Variants in EFCAB9 observed in about 807,000 individuals in gnomAD.
The protein encoded by EFCAB9 is EF-hand calcium binding domain 9, also known as EF-hand calcium-binding domain-containing protein 9.
In EFCAB9, 16 loss-of-function variants were observed where a neutral mutation model predicts 15.6. That is an observed-to-expected ratio of 1.03 (90% CI 0.69 to 1.56). EFCAB9 has a LOEUF of 1.56. Among genes scored for constraint, EFCAB9 ranks in the 40% most tolerant of loss-of-function variants. The pLI is 0.00. For missense variants in EFCAB9, 208 were observed against 235.4 expected (o/e 0.88, Z 0.76); for synonymous variants, 76 against 85.4 (o/e 0.89, Z 0.61).
chr5:172,202,214 G>A (rs1771265293), intron 3 of EFCAB9, among the ~76,000 whole-genome samples: 1 of 151,232 alleles, frequency 6.6e-6, no homozygotes, highest in South Asian at 2.1e-4. Context: ...GGTGGCAGGT[G>A]CCTGTGGTCC....
intron 1 of EFCAB9, among the ~76,000 whole-genome samples, chr5:172,198,682 T>A (rs1487028874): frequency 6.6e-6 from 1 of 152,162 alleles, no homozygotes; most frequent in African/African-American, 2.4e-5. Context: ...AGCAGCACGA[T>A]CTTGGCTCAC....
At chr5:172,198,441 T>C (rs577667622) in intron 1 of EFCAB9, among the ~76,000 whole-genome samples, 1 of 152,196 alleles carries the variant, frequency 6.6e-6, no homozygotes, top group South Asian at 2.1e-4. Flanking sequence ...CCTGGGAGGT[T>C]GAGTCTGCAG....
chr5:172,194,860 CCTCT>C (rs959053298), intron 1 of EFCAB9, among the ~76,000 whole-genome samples: 10 of 152,142 alleles, frequency 6.6e-5, no homozygotes, highest in Non-Finnish European at 1.2e-4. Flanking sequence ...ACGTCATCGC[CCTCT>C]CTAAGTCTCA....
chr5:172,196,989 A>G lies in EFCAB9; in HGVS notation c.137-2394A>G, dbSNP rs148885372. On this transcript the variant is annotated intron_variant, in intron 1 of 3. Coordinates refer to ENST00000398186, the MANE Select transcript of EFCAB9 (RefSeq NM_001171183.2). Reference sequence around the variant, plus strand: ...TCAGTATTTTTTCTTCTGAATGTGTATGATTAAATATGCATTAACTAATGC... The same window carrying G: ...TCAGTATTTTTTCTTCTGAATGTGTGTGATTAAATATGCATTAACTAATGC... Among the ~76,000 whole-genome samples, 363 of 152,346 alleles carry G rather than the reference A, an allele frequency of 2.4e-3. 1 individual carries two copies. Among genetic ancestry groups the G allele is most frequent in the East Asian group, 7.9e-3 (41 of 5,184 alleles).
chr5:172,202,332 CAAAA>C (rs10690291), intron 3 of EFCAB9, among the ~76,000 whole-genome samples: 8 of 73,356 alleles, frequency 1.1e-4, no homozygotes, highest in African/African-American at 2.8e-4. Context: ...GACTTCATCT[CAAAA>C]AAAAAAAAAA....
rs10690291 is a variant in EFCAB9 at position 172,202,332 on chromosome 5, C to CAAAAAAA, written c.463-864_463-858dup. 1.9e-3 allele frequency among the ~76,000 whole-genome samples: 138 copies of CAAAAAAA among 73,226 alleles called. 2 individuals are homozygous for CAAAAAAA. The highest frequency in any genetic ancestry group is 4.7e-3 in the African/African-American group (65 of 13,972). 48.0% of individuals were successfully genotyped at this position (73,226 alleles called of 152,430 possible). On this transcript the variant is annotated intron_variant, in intron 3 of 3. Transcript: ENST00000398186. ...TGGGCGACAGAGTGAGACTTCATCT[C>CAAAAAAA]AAAAAAAAAAAAAAAAAAAAAAAAG...
Position 172,203,392 on chromosome 5 carries a change from G to GAACATGAAC in EFCAB9, c.*49_*57dup. The GAACATGAAC allele has an allele frequency of 6.7e-7, 1 of 1,502,820 alleles. No individual in the cohort carries two copies. The highest frequency in any genetic ancestry group is 1.4e-5 in the African/African-American group (1 of 70,764). 93.1% of individuals were successfully genotyped at this position (1,502,820 alleles called of 1,614,324 possible). On this transcript the variant is annotated 3_prime_UTR_variant, in exon 4 of 4. Transcript: ENST00000398186. ...GAAAAAAATGGGATCTGAAAGTACA[G>GAACATGAAC]AACATGAACATTGATGAAGACTGTT...
chr5:172,202,753 G>C (rs975923008), intron 3 of EFCAB9, among the ~76,000 whole-genome samples: 1 of 151,314 alleles, frequency 6.6e-6, no homozygotes, highest in East Asian at 1.9e-4. Context: ...TGTAATCCCA[G>C]CACTTTGGGA....
In EFCAB9 at chr5:172,197,397, G is replaced by A. The variant is rs533471725; in HGVS notation, c.137-1986G>A. Among the ~76,000 whole-genome samples the A allele has an allele frequency of 3.8e-4, 58 of 152,170 alleles. 1 individual carries two copies. In the South Asian group the frequency reaches 4.6e-3, roughly 12 times the overall value. On this transcript the variant is annotated intron_variant, in intron 1 of 3. Coordinates refer to ENST00000398186, the MANE Select transcript of EFCAB9 (RefSeq NM_001171183.2). The stretch of plus-strand genomic sequence containing the variant: ...GCTAGGATTACAGGCATGAGCCACC[G>A]CGCCCAACGTGAGGCACACCTTTGC...
At chr5:172,197,993 C>T (rs1218663646) in intron 1 of EFCAB9, among the ~76,000 whole-genome samples, 2 of 152,104 alleles carry the variant, frequency 1.3e-5, no homozygotes, top group African/African-American at 2.4e-5. Flanking sequence ...TTTAGCTAGA[C>T]CTAGAGCACT....
Position 172,203,283 on chromosome 5 carries a change from A to G in EFCAB9, c.532A>G (p.Thr178Ala). ...TGACAAATTACAGAAGAGGCAGAAAACAGAGGAGAAAGAAAAAGGAGAGAG... is the reference window on the plus strand; with the variant it reads ...TGACAAATTACAGAAGAGGCAGAAAGCAGAGGAGAAAGAAAAAGGAGAGAG... Reference protein sequence around the residue: ...YTDKLQKRQKTEEKEKGERKR... With the variant: ...YTDKLQKRQKAEEKEKGERKR... The change falls in exon 4 of 4, where the codon ACA (threonine) becomes GCA (alanine). Residue 178 changes from threonine (T) to alanine (A), a missense_variant. Coordinates refer to ENST00000398186, the MANE Select transcript of EFCAB9 (RefSeq NM_001171183.2). 6.5e-7 allele frequency: 1 copy of G among 1,536,962 alleles called. No homozygotes were observed. Among genetic ancestry groups the G allele is most frequent in the Admixed American group, 2.0e-5 (1 of 50,954 alleles).
intron 1 of EFCAB9, among the ~76,000 whole-genome samples, chr5:172,196,362 C>T (rs780473744): frequency 2.0e-5 from 3 of 151,630 alleles, no homozygotes; most frequent in African/African-American, 7.3e-5. Flanking sequence ...TACACAGATA[C>T]GTTTTACCTA....
intron 3 of EFCAB9, among the ~76,000 whole-genome samples, chr5:172,200,986 A>G (rs1771248161): frequency 6.6e-6 from 1 of 151,950 alleles, no homozygotes; most frequent in African/African-American, 2.4e-5. Flanking sequence ...TAATCCCAGG[A>G]CTTTGGGAGG....
chr5:172,198,501 A>G (rs1581200345), intron 1 of EFCAB9, among the ~76,000 whole-genome samples: 1 of 152,204 alleles, frequency 6.6e-6, no homozygotes, highest in African/African-American at 2.4e-5. Flanking sequence ...AATAAAAAAT[A>G]AAGTGCCTAA....
chr5:172,202,925 G>T (rs895305980), intron 3 of EFCAB9, among the ~76,000 whole-genome samples: 1 of 152,118 alleles, frequency 6.6e-6, no homozygotes, highest in Non-Finnish European at 1.5e-5. Context: ...ACTTGAACCT[G>T]GGAGGTGGAG....
At chr5:172,196,389 CTTT>C (rs557468567) in intron 1 of EFCAB9, among the ~76,000 whole-genome samples, 3 of 142,754 alleles carry the variant, frequency 2.1e-5, no homozygotes, top group African/African-American at 2.5e-5. Context: ...GGAGACATTT[CTTT>C]TTTTTTTTTT....
At chr5:172,195,237 T>A (rs561836152) in intron 1 of EFCAB9, among the ~76,000 whole-genome samples, 46 of 152,106 alleles carry the variant, frequency 3.0e-4, no homozygotes, top group South Asian at 1.5e-3. Context: ...GCCATGCTTG[T>A]TGAGTTCACA....
At chr5:172,203,193 T>TTTTCA (rs201583078) in intron 3 of EFCAB9, 21 bp from the exon 4 acceptor site, 2 of 1,459,964 alleles carry the variant, frequency 1.4e-6, no homozygotes, top group South Asian at 1.4e-5. Context: ...AATTTTTCTT[T>TTTTCA]CCCCCCCACC....
rs1462741616 is a variant in EFCAB9, at chr5:172,203,198, C to G, written c.463-16C>G. The G allele has an allele frequency of 6.9e-7, 1 of 1,457,162 alleles. No individual in the cohort carries two copies. The highest frequency in any genetic ancestry group is 9.0e-7 in the Non-Finnish European group (1 of 1,114,188). 90.3% of individuals were successfully genotyped at this position (1,457,162 alleles called of 1,614,324 possible). A position where few individuals can be genotyped will look rare whatever the true frequency, so the allele number is the denominator to read the frequency against. ...TTCCTGAAATAATTTTTCTTTCCCC[C>G]CCACCCTAACCAAAGCGTCTTAATT... is the stretch of plus-strand genomic sequence containing the variant. On this transcript the variant is annotated splice_polypyrimidine_tract_variant and intron_variant, in intron 3 of 3. Transcript: ENST00000398186.
Sources: gnomAD v4.1 joint callset for allele counts (sites outside exome capture counted in the v4.1 genomes callset) on GRCh38, gnomAD v4.1.1 for gene constraint, MANE v1.5 for transcripts, NCBI Gene and HGNC (gene_info 2026-07-23, HGNC 2026-07-21) for gene names.